TTBK2: variants seen among roughly 807,000 people sequenced by gnomAD.
TTBK2 encodes tau-tubulin kinase 2.
A neutral mutation model predicts 110.8 loss-of-function variants in TTBK2; 28 were observed. The observed-to-expected ratio is 0.25, with a 90% CI of 0.19 to 0.35. The LOEUF (loss-of-function observed/expected upper bound fraction) is 0.35, where lower values mean the gene tolerates loss of function less well. Among genes scored for constraint, TTBK2 ranks in the 10% least tolerant of loss-of-function variants. TTBK2 has a pLI of 1.00. For synonymous variants in TTBK2, 532 were observed against 527.3 expected (o/e 1.01, Z -0.12); for missense variants, 1,369 against 1,500.3 (o/e 0.91, Z 1.45).
intron 11 of TTBK2, among the ~76,000 whole-genome samples, chr15:42,780,695 G>T (rs186485312): frequency 6.6e-6 from 1 of 152,160 alleles, no homozygotes; most frequent in South Asian, 2.1e-4. Context: ...GCTGGGCGTC[G>T]TGGCTTGTGC....
intron 13 of TTBK2, among the ~76,000 whole-genome samples, chr15:42,766,446 C>CAAAAAAAAAA (rs567972612): frequency 2.9e-4 from 9 of 30,860 alleles, no homozygotes; most frequent in African/African-American, 1.9e-3. Flanking sequence ...GAATGGAAAG[C>CAAAAAAAAAA]AAAAAAAAAA....
chr15:42,818,594 C>T (rs1275999629), intron 6 of TTBK2, among the ~76,000 whole-genome samples: 3 of 151,910 alleles, frequency 2.0e-5, no homozygotes, highest in African/African-American at 7.2e-5. Flanking sequence ...GTGGCAGGTG[C>T]CTGTAGTCCC....
At chr15:42,906,872 A>G (rs1236179833) in intron 1 of TTBK2, among the ~76,000 whole-genome samples, 3 of 151,888 alleles carry the variant, frequency 2.0e-5, no homozygotes, top group African/African-American at 4.8e-5. Flanking sequence ...AAAGATCTGA[A>G]TGGACATTTC....
chr15:42,817,054 G>A lies in TTBK2; in HGVS notation c.581C>T (p.Ser194Leu), dbSNP rs1169068591. 6.2e-7 allele frequency: 1 copy of A among 1,606,920 alleles called. No homozygotes were observed. The highest frequency in any genetic ancestry group is 8.5e-7 in the Non-Finnish European group (1 of 1,175,830). Residue 194 changes from serine to leucine, a missense_variant, in exon 7 of 15, where the codon TCA (serine) becomes TTA (leucine). Ser to Leu is a moderately radical substitution (Grantham distance 145, BLOSUM62 -2). Coordinates refer to ENST00000267890, the MANE Select transcript of TTBK2 (RefSeq NM_173500.4). Reference sequence around the variant, plus strand: ...TACCCTGTTCCGATGTGCGTTGATTGATGCATAACGAACTGTCCCTCGAAA... The same window carrying A: ...TACCCTGTTCCGATGTGCGTTGATTAATGCATAACGAACTGTCCCTCGAAA... ...AGFRGTVRYASINAHRNREMG... is the reference protein window; with the variant it reads ...AGFRGTVRYALINAHRNREMG...
intron 1 of TTBK2, among the ~76,000 whole-genome samples, chr15:42,897,865 C>CAAGCTGATT (rs1596036636): frequency 6.9e-6 from 1 of 143,890 alleles, no homozygotes; most frequent in South Asian, 2.2e-4. Flanking sequence ...CACACACACA[C>CAAGCTGATT]GGAACTTCCA....
At chr15:42,764,903 C>T (rs1003257235) in intron 13 of TTBK2, among the ~76,000 whole-genome samples, 5 of 152,220 alleles carry the variant, frequency 3.3e-5, no homozygotes, top group African/African-American at 1.2e-4. Flanking sequence ...TGAGACGAAG[C>T]TTCCAGAGGA....
chr15:42,756,428 A>C (rs1302745269), intron 13 of TTBK2, among the ~76,000 whole-genome samples: 2 of 151,956 alleles, frequency 1.3e-5, no homozygotes, highest in South Asian at 2.1e-4. Context: ...TCTACTAAAA[A>C]TACAAAAATT....
chr15:42,801,829 A>G (rs1200104739), intron 9 of TTBK2: 1 of 881,810 alleles, frequency 1.1e-6, no homozygotes, highest in Non-Finnish European at 1.9e-6. Context: ...CTCCTTGATG[A>G]GCACAAATTC....
chr15:42,862,027 T>C (rs1894177553), intron 3 of TTBK2, among the ~76,000 whole-genome samples: 1 of 151,976 alleles, frequency 6.6e-6, no homozygotes, highest in African/African-American at 2.4e-5. Flanking sequence ...ACTCCTAATA[T>C]TAAACCAGGA....
rs1475909841 is a variant in TTBK2 at position 42,744,603 on chromosome 15, G to C, written c.*1192C>G. The C allele has an allele frequency of 3.3e-5, 5 of 152,082 alleles. No homozygotes were observed. The highest frequency in any genetic ancestry group is 4.4e-5 in the Non-Finnish European group (3 of 68,000). 9.4% of individuals were successfully genotyped at this position (152,082 alleles called of 1,614,324 possible). A position where few individuals can be genotyped will look rare whatever the true frequency, so the allele number is the denominator to read the frequency against. On this transcript the variant is annotated 3_prime_UTR_variant, in exon 15 of 15. Coordinates refer to ENST00000267890, the MANE Select transcript of TTBK2 (RefSeq NM_173500.4). Reference sequence around the variant, plus strand: ...TCCTCTTTACAGCTTCGTAAATTGAGATTGTATGAAAATCAGGCCAAGAAG... The same window carrying C: ...TCCTCTTTACAGCTTCGTAAATTGACATTGTATGAAAATCAGGCCAAGAAG...
At chr15:42,775,840 A>T (rs1291379462) in intron 12 of TTBK2, 117 bp from the exon 13 acceptor site, 1 of 793,066 alleles carries the variant, frequency 1.3e-6, no homozygotes, top group Non-Finnish European at 1.9e-6. Flanking sequence ...AGATGGATAA[A>T]GCACAAGGAA....
intron 13 of TTBK2, among the ~76,000 whole-genome samples, chr15:42,757,785 T>C (rs1269780567): frequency 6.6e-6 from 1 of 152,242 alleles, no homozygotes; most frequent in East Asian, 1.9e-4. Flanking sequence ...TCACAAACAT[T>C]TCATTATGGC....
intron 13 of TTBK2, among the ~76,000 whole-genome samples, chr15:42,774,030 G>A (rs1026974690): frequency 5.3e-5 from 8 of 152,148 alleles, no homozygotes; most frequent in Non-Finnish European, 8.8e-5. Flanking sequence ...CAGGAAAGAG[G>A]GACCTGCTAA....
chr15:42,891,065 G>GT (rs1162733097), intron 1 of TTBK2, among the ~76,000 whole-genome samples: 2 of 151,496 alleles, frequency 1.3e-5, no homozygotes, highest in African/African-American at 4.9e-5. Context: ...GAGACGGGGG[G>GT]TTTTACCATG....
At chr15:42,871,937 C>T (rs1328287217) in intron 3 of TTBK2, among the ~76,000 whole-genome samples, 1 of 152,062 alleles carries the variant, frequency 6.6e-6, no homozygotes, top group Non-Finnish European at 1.5e-5. Flanking sequence ...TCAGATCAAA[C>T]ATTTAAACAT....
intron 9 of TTBK2, chr15:42,801,245 G>A: frequency 2.6e-6 from 4 of 1,544,460 alleles, no homozygotes; most frequent in South Asian, 1.2e-5. Context: ...GCTTCCTGTA[G>A]GTGGCGATCT....
intron 9 of TTBK2, chr15:42,800,995 C>G: frequency 1.3e-6 from 1 of 762,386 alleles, no homozygotes; most frequent in Non-Finnish European, 2.4e-6. Flanking sequence ...GACTCAGACA[C>G]TAGCTTCCCA....
chr15:42,791,255 T>C (rs1200535084), intron 10 of TTBK2, among the ~76,000 whole-genome samples: 2 of 152,020 alleles, frequency 1.3e-5, no homozygotes, highest in East Asian at 1.9e-4. Context: ...CCTGACTTTG[T>C]GACTCGCCTG....
chr15:42,847,976 G>A (rs1595980596), intron 3 of TTBK2, among the ~76,000 whole-genome samples: 1 of 152,176 alleles, frequency 6.6e-6, no homozygotes, highest in Non-Finnish European at 1.5e-5. Flanking sequence ...CTCCCGAGCA[G>A]CGGGGGACTA....
Sources: allele counts gnomAD v4.1 joint callset (sites outside exome capture counted in the v4.1 genomes callset), GRCh38; gene constraint gnomAD v4.1.1; transcripts MANE v1.5; gene names NCBI Gene and HGNC (gene_info 2026-07-23, HGNC 2026-07-21).